The following MYT1L variants were observed in gnomAD, a reference collection of about 807,000 sequenced individuals.
MYT1L encodes myelin transcription factor 1 like, also known as myelin transcription factor 1-like protein.
Under a neutral mutation model 126.7 loss-of-function variants are expected in MYT1L, and 12 were observed. The ratio of observed to expected loss-of-function variants is 0.09; its 90% CI spans 0.06 to 0.15. MYT1L has a LOEUF of 0.15. MYT1L is among the 10% of genes least tolerant of loss of function. The pLI is 1.00. For synonymous variants in MYT1L, 541 were observed against 604.2 expected, an observed-to-expected ratio of 0.90 and a Z score of 1.53; for missense variants, 979 against 1,585.2, an observed-to-expected ratio of 0.62 and a Z score of 6.49.
chr2:2,159,598 G>A (rs1290834006), intron 3 of MYT1L, among the ~76,000 whole-genome samples: 2 of 152,088 alleles, frequency 1.3e-5, no homozygotes, highest in Non-Finnish European at 2.9e-5. Context: ...TTGCCGACTA[G>A]GAGGTGGCCG....
At chr2:2,304,735 T>A (rs1427205448) in intron 1 of MYT1L, among the ~76,000 whole-genome samples, 2 of 152,228 alleles carry the variant, frequency 1.3e-5, no homozygotes, top group African/African-American at 4.8e-5. Context: ...AACAGCAAGT[T>A]GTCTGGATTT....
chr2:2,290,698 C>G (rs182371242), intron 1 of MYT1L, among the ~76,000 whole-genome samples: 22 of 152,240 alleles, frequency 1.4e-4, no homozygotes, highest in Admixed American at 1.4e-3. Context: ...GGTTCCTGGA[C>G]CTGGTTGCAT....
intron 2 of MYT1L, among the ~76,000 whole-genome samples, chr2:2,269,568 A>G (rs1440914683): frequency 6.6e-6 from 1 of 152,026 alleles, no homozygotes; most frequent in Non-Finnish European, 1.5e-5. Flanking sequence ...TTCTCTCCAC[A>G]TGCTCTTCCC....
intron 4 of MYT1L, among the ~76,000 whole-genome samples, chr2:2,025,823 A>T (rs1055148126): frequency 6.6e-6 from 1 of 152,232 alleles, no homozygotes; most frequent in South Asian, 2.1e-4. Context: ...CACTGAATGA[A>T]TTTTTTAAAA....
intron 8 of MYT1L, among the ~76,000 whole-genome samples, chr2:1,969,209 C>G (rs906544034): frequency 2.0e-5 from 3 of 152,216 alleles, no homozygotes; most frequent in African/African-American, 7.2e-5. Context: ...ATGCTGGGCC[C>G]CGGCGGGGGA....
chr2:1,862,329 C>A (rs928482030), intron 18 of MYT1L, among the ~76,000 whole-genome samples: 1 of 152,054 alleles, frequency 6.6e-6, no homozygotes, highest in South Asian at 2.1e-4. Flanking sequence ...GAGTTAAGTA[C>A]CTTTAAGGTC....
Position 2,217,688 on chromosome 2 carries a change from C to CAAAA in MYT1L, c.-420-44701_-420-44700insTTTT, listed in dbSNP as rs1192733884. On this transcript the variant is annotated intron_variant, in intron 2 of 24. Coordinates refer to ENST00000647738, the MANE Select transcript of MYT1L (RefSeq NM_001303052.2). The stretch of plus-strand genomic sequence containing the variant: ...TCCATCTCAACAACAACAACAACAA[C>CAAAA]AACAACAACAACAACAACAAAAAAA... 7.1e-4 allele frequency among the ~76,000 whole-genome samples: 50 copies of CAAAA among 70,870 alleles called. 1 individual carries two copies. The highest frequency in any genetic ancestry group is 1.3e-3 in the African/African-American group (17 of 12,700). The allele number at this position is 70,870 out of a possible 152,430, so 46.5% of individuals were successfully genotyped here.
intron 3 of MYT1L, among the ~76,000 whole-genome samples, chr2:2,140,814 T>C (rs1336615323): frequency 6.6e-6 from 1 of 152,196 alleles, no homozygotes; most frequent in Non-Finnish European, 1.5e-5. Flanking sequence ...GGTGATCCAC[T>C]TGCCTCAGCC....
At chr2:1,861,276 AG>A (rs139564802) in intron 18 of MYT1L, among the ~76,000 whole-genome samples, 1,588 of 152,134 alleles carry the variant, frequency 0.01, 27 homozygotes, top group African/African-American at 0.036. Flanking sequence ...CAGTTACATA[AG>A]GGAGGTTCAG....
intron 4 of MYT1L, among the ~76,000 whole-genome samples, chr2:2,003,867 C>A (rs558922109): frequency 2.0e-5 from 3 of 152,322 alleles, no homozygotes; most frequent in East Asian, 3.9e-4. Context: ...TCCCTCAGTG[C>A]ACCATGCTTC....
At chr2:2,085,859 C>G (rs2076300996) in intron 3 of MYT1L, among the ~76,000 whole-genome samples, 2 of 152,216 alleles carry the variant, frequency 1.3e-5, no homozygotes, top group African/African-American at 4.8e-5. Context: ...TCTGTCCCCA[C>G]TCGGTTTCCT....
At chr2:2,156,418 C>T (rs529384770) in intron 3 of MYT1L, among the ~76,000 whole-genome samples, 2 of 152,220 alleles carry the variant, frequency 1.3e-5, no homozygotes, top group South Asian at 2.1e-4. Flanking sequence ...TTAAAGTCAA[C>T]GTAGCTGCCA....
intron 4 of MYT1L, among the ~76,000 whole-genome samples, chr2:2,042,489 T>G (rs2067665426): frequency 6.6e-6 from 1 of 152,210 alleles, no homozygotes; most frequent in African/African-American, 2.4e-5. Flanking sequence ...CAATGCTATG[T>G]GTATTAAATT....
intron 3 of MYT1L, among the ~76,000 whole-genome samples, chr2:2,107,806 G>A (rs1238428447): frequency 6.6e-6 from 1 of 152,148 alleles, no homozygotes; most frequent in African/African-American, 2.4e-5. Context: ...GGAAGTTTCA[G>A]CATGGGAGAA....
At position 2,009,898 on chromosome 2, in the gene MYT1L, G is replaced by GTTT. The variant is rs147372422; in HGVS notation, c.-157-12554_-157-12552dup. The stretch of plus-strand genomic sequence containing the variant: ...TTCTTCTATACCTAAACTGTTAAGA[G>GTTT]TTTTTTTTTTTTTTTTTTTTCATGA... On this transcript the variant is annotated intron_variant, in intron 4 of 24. Transcript: ENST00000647738. Among the ~76,000 whole-genome samples, 808 of 114,280 alleles carry GTTT rather than the reference G, an allele frequency of 7.1e-3. 12 individuals carry two copies. The highest frequency in any genetic ancestry group is 0.011 in the Non-Finnish European group (581 of 54,478). 75.0% of individuals were successfully genotyped at this position (114,280 alleles called of 152,430 possible).
intron 22 of MYT1L, among the ~76,000 whole-genome samples, chr2:1,802,134 G>A (rs1295984676): frequency 5.9e-5 from 9 of 152,110 alleles, no homozygotes; most frequent in Admixed American, 5.9e-4. Flanking sequence ...CCGATTTGCT[G>A]AGCCTGGCCT....
At position 2,218,600 on chromosome 2, in the gene MYT1L, T is replaced by C. The variant is rs566710173; in HGVS notation, c.-420-45612A>G. 1.8e-4 allele frequency among the ~76,000 whole-genome samples: 27 copies of C among 152,178 alleles called. No individual in the cohort carries two copies. The South Asian group carries it at 5.4e-3, about 30-fold the overall frequency. On this transcript the variant is annotated intron_variant, in intron 2 of 24. Coordinates refer to ENST00000647738, the MANE Select transcript of MYT1L (RefSeq NM_001303052.2). ...TGGAGGGAGAGGCTACAAAGGAGCATGGGGAAACCTTGGCATGAAGTTTAC... is the reference window on the plus strand; with the variant it reads ...TGGAGGGAGAGGCTACAAAGGAGCACGGGGAAACCTTGGCATGAAGTTTAC...
chr2:2,250,982 C>A (rs1425709281), intron 2 of MYT1L, among the ~76,000 whole-genome samples: 2 of 152,106 alleles, frequency 1.3e-5, no homozygotes, highest in Admixed American at 6.6e-5. Flanking sequence ...AGATTATGAT[C>A]AGTTCTGCAA....
intron 4 of MYT1L, among the ~76,000 whole-genome samples, chr2:2,020,346 G>T (rs1379682015): frequency 3.3e-5 from 5 of 152,058 alleles, no homozygotes; most frequent in Admixed American, 2.0e-4. Flanking sequence ...ATTTCTCAAG[G>T]GTAGAGATTT....
Sources: gnomAD v4.1 joint callset for allele counts (sites outside exome capture counted in the v4.1 genomes callset) on GRCh38, gnomAD v4.1.1 for gene constraint, MANE v1.5 for transcripts, NCBI Gene and HGNC (gene_info 2026-07-23, HGNC 2026-07-21) for gene names.